OPN3: variants seen among roughly 807,000 people sequenced by gnomAD.
The protein encoded by OPN3 is opsin-3.
A neutral mutation model predicts 33.8 loss-of-function variants in OPN3; 29 were observed. The ratio of observed to expected loss-of-function variants is 0.86; its 90% confidence interval spans 0.64 to 1.17. The LOEUF is 1.17. OPN3 is among the 50% of genes most tolerant of loss of function. The pLI is 0.00. For missense variants in OPN3, 437 were observed against 514.1 expected (o/e 0.85, Z 1.45); for synonymous variants, 216 against 216.1 (o/e 1.00, Z 0.00).
rs1164420067 is a variant in OPN3 at position 241,597,295 on chromosome 1, C to A, written c.945+451G>T. On this transcript the variant is annotated intron_variant, in intron 3 of 3. Transcript: ENST00000366554. ...GGTTCAAATCCTGGCACCAATACTT[C>A]CTGGATTGGGCAAGTTATTTAACTT... 2.0e-5 allele frequency among the ~76,000 whole-genome samples: 3 copies of A among 152,272 alleles called. No individual in the cohort carries two copies. In the East Asian group the frequency reaches 5.8e-4, roughly 29 times the overall value.
At chr1:241,629,631 A>C (rs1664540896) in intron 1 of OPN3, 1 of 152,014 alleles carries the variant, frequency 6.6e-6, no homozygotes, top group Admixed American at 6.5e-5. Context: ...CTCTTAGTTG[A>C]TCTACCTTGC....
At chr1:241,606,546 AAAATAAATAAATAAATAAAT>A (rs10677298) in intron 1 of OPN3, among the ~76,000 whole-genome samples, 4 of 142,072 alleles carry the variant, frequency 2.8e-5, no homozygotes, top group Admixed American at 1.4e-4. Flanking sequence ...ACTCTGATTC[AAAATAAATAAATAAATAAAT>A]AAATAAATAA....
intron 1 of OPN3, among the ~76,000 whole-genome samples, chr1:241,609,490 A>G (rs955051647): frequency 6.6e-6 from 1 of 152,242 alleles, no homozygotes; most frequent in African/African-American, 2.4e-5. Flanking sequence ...AAAGCTGCAG[A>G]TGGATCAGGT....
At chr1:241,616,526 C>G (rs749362778) in intron 1 of OPN3, among the ~76,000 whole-genome samples, 1 of 151,854 alleles carries the variant, frequency 6.6e-6, no homozygotes, top group African/African-American at 2.4e-5. Context: ...TATGTCTTAC[C>G]TCTCCAATTA....
rs145834329 is a variant in OPN3 at position 241,594,487 on chromosome 1, C to T, written c.1150G>A (p.Asp384Asn). ...GACCCATTGGTTTTGTCGCTGTCGTCAACTGACAGTGATTCATCACTGGTG... is the reference window on the plus strand; with the variant it reads ...GACCCATTGGTTTTGTCGCTGTCGTTAACTGACAGTGATTCATCACTGGTG... ...IITSDESLSV[D>N]DSDKTNGSKV... Residue 384 changes from aspartate to asparagine, a missense_variant, in exon 4 of 4, where the codon GAC (aspartate) becomes AAC (asparagine). Physicochemically the swap from Asp to Asn is conservative, Grantham distance 23 (BLOSUM62 1). Coordinates refer to ENST00000366554, the MANE Select transcript of OPN3 (RefSeq NM_014322.3). 286 of 1,614,058 alleles carry T rather than the reference C, an allele frequency of 1.8e-4. 1 individual carries two copies. Among genetic ancestry groups the T allele is most frequent in the Admixed American group, 1.0e-3 (61 of 60,006 alleles).
intron 1 of OPN3, among the ~76,000 whole-genome samples, chr1:241,637,615 T>A (rs1262736351): frequency 2.0e-5 from 3 of 151,980 alleles, no homozygotes; most frequent in Non-Finnish European, 4.4e-5. Context: ...GAAGACACAA[T>A]CAATAAGCGC....
chr1:241,616,796 G>A (rs1310869936), intron 1 of OPN3, among the ~76,000 whole-genome samples: 1 of 151,866 alleles, frequency 6.6e-6, no homozygotes, highest in Non-Finnish European at 1.5e-5. Context: ...TTTCCCTCAG[G>A]GAACTAGCAA....
intron 1 of OPN3, chr1:241,615,946 A>C: frequency 2.2e-6 from 1 of 456,686 alleles, no homozygotes; most frequent in Non-Finnish European, 4.4e-6. Context: ...CCTAGAGGCA[A>C]ACGGACATTA....
rs566788211 is a variant in OPN3 at position 241,593,255 on chromosome 1, A to ATT, written c.*1171_*1172dup. On this transcript the variant is annotated 3_prime_UTR_variant, in exon 4 of 4. Transcript: ENST00000366554. ...ATTCAATTTCAGACCCTCAGAAGCA[A>ATT]TTTACTAATTTATTCTTCGACTACA... 6.4e-6 allele frequency: 2 copies of ATT among 311,376 alleles called. No homozygotes were observed. The highest frequency in any genetic ancestry group is 5.7e-5 in the South Asian group (2 of 34,998). 19.3% of individuals were successfully genotyped at this position (311,376 alleles called of 1,614,324 possible).
chr1:241,611,604 G>A (rs1664002960), intron 1 of OPN3, among the ~76,000 whole-genome samples: 1 of 152,028 alleles, frequency 6.6e-6, no homozygotes, highest in Non-Finnish European at 1.5e-5. Context: ...GACAGAGCTT[G>A]CACCATTTAG....
chr1:241,633,977 A>G, intron 1 of OPN3: 1 of 1,613,946 alleles, frequency 6.2e-7, no homozygotes, highest in Non-Finnish European at 8.5e-7. Context: ...GATCTCCTGG[A>G]AAAGTGTTTC....
At chr1:241,607,722 A>G (rs1328219429) in intron 1 of OPN3, among the ~76,000 whole-genome samples, 2 of 144,558 alleles carry the variant, frequency 1.4e-5, no homozygotes, top group Non-Finnish European at 3.0e-5. Flanking sequence ...AAGAAAGAGG[A>G]AGAGAAAGGA....
At chr1:241,616,647 T>C (rs566716519) in intron 1 of OPN3, among the ~76,000 whole-genome samples, 20 of 152,272 alleles carry the variant, frequency 1.3e-4, no homozygotes, top group Admixed American at 1.3e-3. Flanking sequence ...ATAAAAGTTA[T>C]ATACACATGA....
At position 241,595,905 on chromosome 1, in the gene OPN3, G is replaced by A. The variant is rs76197057; in HGVS notation, c.946-1214C>T. On this transcript the variant is annotated intron_variant, in intron 3 of 3. Transcript: ENST00000366554. The stretch of plus-strand genomic sequence containing the variant: ...AAATAGAGTATGTATGCCAAAAAAC[G>A]TTTTTCCATATAAATGGTAAGCTCT... 6.6e-3 allele frequency among the ~76,000 whole-genome samples: 974 copies of A among 146,946 alleles called. 9 individuals carry two copies. Among genetic ancestry groups the A allele is most frequent in the African/African-American group, 0.024 (909 of 38,150 alleles).
intron 3 of OPN3, among the ~76,000 whole-genome samples, chr1:241,596,229 G>A (rs1663504160): frequency 6.6e-6 from 1 of 152,152 alleles, no homozygotes; most frequent in South Asian, 2.1e-4. Context: ...TTGAGAGGGT[G>A]GTCCCTAAAA....
At chr1:241,598,633 C>A (rs1273738688) in intron 2 of OPN3, among the ~76,000 whole-genome samples, 1 of 152,168 alleles carries the variant, frequency 6.6e-6, no homozygotes, top group Non-Finnish European at 1.5e-5. Flanking sequence ...CTAAAACCAG[C>A]CTGTCTACTC....
chr1:241,624,668 A>G (rs1413841671), intron 1 of OPN3, among the ~76,000 whole-genome samples: 2 of 152,312 alleles, frequency 1.3e-5, no homozygotes, highest in East Asian at 3.9e-4. Flanking sequence ...TACCTACCTC[A>G]CAGAGCTGCT....
chr1:241,640,266 G>T lies in OPN3; in HGVS notation c.-12C>A. On this transcript the variant is annotated 5_prime_UTR_variant, in exon 1 of 4. Transcript: ENST00000366554. ...TTCCCCGAGTACATGGCCCGGCGCC[G>T]GCGCGCCTGGCGGGCGGAGGCGCTC... The T allele has an allele frequency of 7.6e-6, 9 of 1,187,106 alleles. No individual in the cohort carries two copies. The South Asian group carries it at 3.8e-4, about 50-fold the overall frequency. 73.5% of individuals were successfully genotyped at this position (1,187,106 alleles called of 1,614,324 possible).
At chr1:241,624,890 CTT>C (rs370584194) in intron 1 of OPN3, among the ~76,000 whole-genome samples, 36 of 152,268 alleles carry the variant, frequency 2.4e-4, no homozygotes, top group African/African-American at 7.9e-4. Flanking sequence ...TGGTCAAGCT[CTT>C]TGTCTTCACA....
Sources: gnomAD v4.1 joint callset for allele counts (sites outside exome capture counted in the v4.1 genomes callset) on GRCh38, gnomAD v4.1.1 for gene constraint, MANE v1.5 for transcripts, NCBI Gene and HGNC (gene_info 2026-07-23, HGNC 2026-07-21) for gene names.